Variants in DOCK5 observed in about 807,000 individuals in gnomAD.
The protein encoded by DOCK5 is dedicator of cytokinesis 5, also known as dedicator of cytokinesis protein 5.
In DOCK5, 142 loss-of-function variants were observed where a neutral mutation model predicts 251.8. The ratio of observed to expected loss-of-function variants is 0.56; its 90% CI spans 0.49 to 0.65. The LOEUF (loss-of-function observed/expected upper bound fraction) is 0.65. DOCK5 is among the 30% of genes least tolerant of loss of function. DOCK5 has a pLI of 0.00. For missense variants in DOCK5, 2,111 were observed against 2,312.3 expected, an observed-to-expected ratio of 0.91 and a Z score of 1.79; for synonymous variants, 842 against 835.5, an observed-to-expected ratio of 1.01 and a Z score of -0.13.
intron 5 of DOCK5, among the ~76,000 whole-genome samples, chr8:25,280,009 A>G (rs1463147535): frequency 6.6e-6 from 1 of 151,840 alleles, no homozygotes; most frequent in East Asian, 1.9e-4. Context: ...AAGTGATCCA[A>G]CTGTCTTGGC....
Position 25,210,039 on chromosome 8 carries a change from T to TATATATAA in DOCK5, c.43+25088_43+25089insATATATAA, listed in dbSNP as rs1563309160. Among the ~76,000 whole-genome samples, 5 of 1,786 alleles carry TATATATAA rather than the reference T, an allele frequency of 2.8e-3. 1 individual carries two copies. The highest frequency in any genetic ancestry group is 5.3e-3 in the African/African-American group (5 of 950). The allele number at this position is 1,786 out of a possible 152,430, so 1.2% of individuals were successfully genotyped here. A position where few individuals can be genotyped will look rare whatever the true frequency, so the allele number is the denominator to read the frequency against. On this transcript the variant is annotated intron_variant, in intron 1 of 51. Coordinates refer to ENST00000276440, the MANE Select transcript of DOCK5 (RefSeq NM_024940.8). The stretch of plus-strand genomic sequence containing the variant: ...ATATATATATATATATATATAAATG[T>TATATATAA]GTGTGTGTGTGTGTGTGTGTGTGTG...
chr8:25,307,836 T>A (rs536333293), intron 11 of DOCK5, among the ~76,000 whole-genome samples: 1 of 152,334 alleles, frequency 6.6e-6, no homozygotes, highest in South Asian at 2.1e-4. Flanking sequence ...GCCTCTGGCA[T>A]TGAATGCCTA....
At chr8:25,308,729 G>A (rs974133957) in intron 11 of DOCK5, 54 bp from the exon 12 acceptor site, 1 of 1,597,618 alleles carries the variant, frequency 6.3e-7, no homozygotes, top group Non-Finnish European at 8.6e-7. Flanking sequence ...AGGTTGTGCT[G>A]CAGAGACTTC....
intron 1 of DOCK5, among the ~76,000 whole-genome samples, chr8:25,215,133 G>A (rs147998238): frequency 9.7e-4 from 148 of 152,270 alleles, no homozygotes; most frequent in African/African-American, 3.2e-3. Flanking sequence ...TCCAGCCCCC[G>A]TTGGGATATG....
chr8:25,394,942 TG>T (rs1305995976), intron 44 of DOCK5, among the ~76,000 whole-genome samples: 2 of 145,604 alleles, frequency 1.4e-5, no homozygotes, highest in African/African-American at 5.2e-5. Flanking sequence ...GGTGGGAAGG[TG>T]GGGGGTGTTG....
intron 26 of DOCK5, among the ~76,000 whole-genome samples, chr8:25,346,383 T>C (rs1259257747): frequency 6.6e-6 from 1 of 152,210 alleles, no homozygotes; most frequent in African/African-American, 2.4e-5. Flanking sequence ...TCTTATCCTC[T>C]GATGCCTAAC....
intron 2 of DOCK5, among the ~76,000 whole-genome samples, chr8:25,248,664 G>A (rs1265447154): frequency 1.3e-5 from 2 of 152,026 alleles, no homozygotes; most frequent in African/African-American, 4.8e-5. Flanking sequence ...TCCTTTTTCT[G>A]TTTCCTGCCG....
intron 41 of DOCK5, 24 bp downstream of exon 41, chr8:25,389,256 G>A: frequency 6.2e-7 from 1 of 1,608,996 alleles, no homozygotes; most frequent in South Asian, 1.1e-5. Context: ...GGGGAGTATG[G>A]CCCCGAGGCT....
intron 47 of DOCK5, among the ~76,000 whole-genome samples, chr8:25,402,371 ACTGCAAGCT>A (rs1189995520): frequency 6.6e-6 from 1 of 151,988 alleles, no homozygotes; most frequent in East Asian, 1.9e-4. Context: ...ATCTCAGCTC[ACTGCAAGCT>A]CTGCCTCCCA....
At chr8:25,235,629 T>C (rs1222627741) in intron 1 of DOCK5, among the ~76,000 whole-genome samples, 1 of 152,158 alleles carries the variant, frequency 6.6e-6, no homozygotes, top group East Asian at 1.9e-4. Flanking sequence ...TTTAATGTCA[T>C]ATTCATGTAA....
Position 25,211,817 on chromosome 8 carries a change from T to A in DOCK5, c.43+26866T>A, listed in dbSNP as rs144052792. 4.6e-4 allele frequency among the ~76,000 whole-genome samples: 31 copies of A among 68,020 alleles called. 8 individuals are homozygous for A. Among genetic ancestry groups the A allele is most frequent in the South Asian group, 4.0e-3 (10 of 2,514 alleles). 44.6% of individuals were successfully genotyped at this position (68,020 alleles called of 152,430 possible). On this transcript the variant is annotated intron_variant, in intron 1 of 51. Coordinates refer to ENST00000276440, the MANE Select transcript of DOCK5 (RefSeq NM_024940.8). ...AGCAAGAGCCTATCTCTAAATAAAT[T>A]AATTAATTAATAAATGCTATCTACG...
intron 39 of DOCK5, 121 bp downstream of exon 39, chr8:25,380,515 C>G (rs1453036276): frequency 1.2e-6 from 1 of 823,990 alleles, no homozygotes; most frequent in Non-Finnish European, 1.9e-6. Context: ...GAAAAGTCAA[C>G]TTTGCTTGAA....
intron 2 of DOCK5, among the ~76,000 whole-genome samples, chr8:25,266,332 C>T (rs1803750095): frequency 6.6e-6 from 1 of 151,674 alleles, no homozygotes; most frequent in African/African-American, 2.4e-5. Flanking sequence ...TCTCCTGCCT[C>T]AGCCTCCCTA....
chr8:25,338,711 A>G (rs1287132453), intron 22 of DOCK5, among the ~76,000 whole-genome samples: 1 of 152,210 alleles, frequency 6.6e-6, no homozygotes, highest in African/African-American at 2.4e-5. Context: ...TGGTTGGGGC[A>G]TGGAGTGTTC....
At chr8:25,286,700 G>C (rs1804343674) in intron 5 of DOCK5, among the ~76,000 whole-genome samples, 1 of 151,216 alleles carries the variant, frequency 6.6e-6, no homozygotes, top group Admixed American at 6.6e-5. Context: ...GTCTCGTTCT[G>C]CCACCCAGGC....
At chr8:25,243,584 C>G (rs1803014283) in intron 1 of DOCK5, 90 bp from the exon 2 acceptor site, 1 of 1,232,330 alleles carries the variant, frequency 8.1e-7, no homozygotes, top group East Asian at 2.7e-5. Context: ...CCACCTCACC[C>G]TCTCAAAGTG....
chr8:25,364,976 G>C (rs957401768), intron 30 of DOCK5, among the ~76,000 whole-genome samples: 2 of 152,078 alleles, frequency 1.3e-5, no homozygotes, highest in Admixed American at 1.3e-4. Context: ...AGTCCTCCTT[G>C]TCGCTATAAA....
In DOCK5 at chr8:25,412,075, C is replaced by G. The variant is rs561114521; in HGVS notation, c.*777C>G. The G allele has an allele frequency of 3.4e-5, 4 of 118,300 alleles. No homozygotes were observed. The highest frequency in any genetic ancestry group is 1.2e-4 in the African/African-American group (4 of 33,290). The allele number at this position is 118,300 out of a possible 1,614,324, so 7.3% of individuals were successfully genotyped here. On this transcript the variant is annotated 3_prime_UTR_variant, in exon 52 of 52. Transcript: ENST00000276440. ...TTTGAAGCTCTTCCTTTTGCACATA[C>G]GGCTTTTTTTTTTTTTTTTTTTTTT...
At chr8:25,380,558 C>G (rs113544159) in intron 39 of DOCK5, among the ~76,000 whole-genome samples, 164 bp downstream of exon 39, 122 of 152,312 alleles carry the variant, frequency 8.0e-4, no homozygotes, top group African/African-American at 2.8e-3. Context: ...TCCAAAGGCT[C>G]TGATCAATAT....
Sources: gnomAD v4.1 joint callset for allele counts (sites outside exome capture counted in the v4.1 genomes callset) on GRCh38, gnomAD v4.1.1 for gene constraint, MANE v1.5 for transcripts, NCBI Gene and HGNC (gene_info 2026-07-23, HGNC 2026-07-21) for gene names.